The following IMMP2L variants were observed in gnomAD, a reference collection of about 807,000 sequenced individuals.
The protein encoded by IMMP2L is mitochondrial inner membrane protease subunit 2.
A neutral mutation model predicts 19.3 loss-of-function variants in IMMP2L; 18 were observed. That is an observed-to-expected ratio of 0.93 (90% CI 0.64 to 1.38). The LOEUF (loss-of-function observed/expected upper bound fraction) is 1.38. IMMP2L is among the 40% of genes most tolerant of loss of function. The pLI is 0.00. For synonymous variants in IMMP2L, 76 were observed against 73.0 expected, an observed-to-expected ratio of 1.04 and a Z score of -0.21; for missense variants, 233 against 218.2, an observed-to-expected ratio of 1.07 and a Z score of -0.43.
At chr7:111,143,897 C>T (rs921295188) in intron 3 of IMMP2L, among the ~76,000 whole-genome samples, 1 of 152,160 alleles carries the variant, frequency 6.6e-6, no homozygotes, top group African/African-American at 2.4e-5. Context: ...ACTAATCAAT[C>T]ATCTAACCAA....
intron 3 of IMMP2L, among the ~76,000 whole-genome samples, chr7:111,162,925 C>A (rs1405467667): frequency 6.6e-6 from 1 of 152,044 alleles, no homozygotes; most frequent in African/African-American, 2.4e-5. Context: ...TGACCCCATC[C>A]CACCTTAGAG....
At chr7:111,506,141 G>A (rs1844877105) in intron 2 of IMMP2L, among the ~76,000 whole-genome samples, 1 of 151,180 alleles carries the variant, frequency 6.6e-6, no homozygotes, top group South Asian at 2.1e-4. Context: ...GGACTTCGAG[G>A]CTGATTGCAC....
intron 3 of IMMP2L, among the ~76,000 whole-genome samples, chr7:111,425,290 T>TCC (rs1835961972): frequency 6.9e-6 from 1 of 144,966 alleles, no homozygotes; most frequent in Non-Finnish European, 1.6e-5. Flanking sequence ...GAGAGGACTT[T>TCC]CTGGGATGAT....
chr7:111,281,132 G>GAGAAAGAC (rs1266550378), intron 3 of IMMP2L, among the ~76,000 whole-genome samples: 29 of 90,754 alleles, frequency 3.2e-4, no homozygotes, highest in Middle Eastern at 6.0e-3. Flanking sequence ...GAGAGAAAGA[G>GAGAAAGAC]AGAAAGACAG....
At chr7:110,726,068 G>A (rs1007574818) in intron 5 of IMMP2L, among the ~76,000 whole-genome samples, 2 of 152,160 alleles carry the variant, frequency 1.3e-5, no homozygotes, top group African/African-American at 4.8e-5. Flanking sequence ...TTGTGGAGCT[G>A]GAATTTGATC....
intron 3 of IMMP2L, among the ~76,000 whole-genome samples, chr7:111,050,553 C>CT (rs1792908369): frequency 6.6e-6 from 1 of 152,140 alleles, no homozygotes; most frequent in Non-Finnish European, 1.5e-5. Flanking sequence ...AAGGGGACAT[C>CT]TTTTTTGCTG....
chr7:110,696,404 C>T (rs1353542786), intron 5 of IMMP2L, among the ~76,000 whole-genome samples: 2 of 149,910 alleles, frequency 1.3e-5, no homozygotes, highest in African/African-American at 4.9e-5. Context: ...TAAGTATCTG[C>T]ACTGAGACAT....
At chr7:111,023,484 T>C (rs1826495908) in intron 3 of IMMP2L, among the ~76,000 whole-genome samples, 1 of 150,746 alleles carries the variant, frequency 6.6e-6, no homozygotes, top group Admixed American at 6.6e-5. Context: ...GTGGATCACC[T>C]GAGATCAGGA....
At chr7:111,057,128 T>A (rs2129574065) in intron 3 of IMMP2L, among the ~76,000 whole-genome samples, 1 of 152,336 alleles carries the variant, frequency 6.6e-6, no homozygotes, top group East Asian at 1.9e-4. Flanking sequence ...TTGCCACCGA[T>A]AATAACTAAT....
At chr7:111,049,451 A>G (rs1792796651) in intron 3 of IMMP2L, among the ~76,000 whole-genome samples, 1 of 152,082 alleles carries the variant, frequency 6.6e-6, no homozygotes, top group African/African-American at 2.4e-5. Context: ...ATACTTCTAA[A>G]AAGTATTAAG....
intron 2 of IMMP2L, among the ~76,000 whole-genome samples, chr7:111,504,607 C>T (rs1844673942): frequency 6.6e-6 from 1 of 152,136 alleles, no homozygotes; most frequent in Non-Finnish European, 1.5e-5. Flanking sequence ...CAGCATGGTA[C>T]TGGTACCAAA....
chr7:111,136,140 G>A (rs1010870600), intron 3 of IMMP2L, among the ~76,000 whole-genome samples: 1 of 151,396 alleles, frequency 6.6e-6, no homozygotes, highest in Non-Finnish European at 1.5e-5. Context: ...GCAATTCTCT[G>A]CCTCAGCCTC....
intron 3 of IMMP2L, among the ~76,000 whole-genome samples, chr7:111,190,908 A>G (rs1808791146): frequency 1.3e-5 from 2 of 152,160 alleles, no homozygotes; most frequent in African/African-American, 4.8e-5. Flanking sequence ...CACAAATTTA[A>G]CAGTCATCTA....
At chr7:110,821,791 C>G (rs530631240) in intron 5 of IMMP2L, among the ~76,000 whole-genome samples, 1 of 151,950 alleles carries the variant, frequency 6.6e-6, no homozygotes, top group Admixed American at 6.6e-5. Context: ...GGCGTGGTGG[C>G]GCATGCCTGT....
In IMMP2L at chr7:111,521,371, G is replaced by A; in HGVS notation, c.77C>T (p.Ala26Val). Residue 26 changes from alanine to valine, a missense_variant, in exon 2 of 6, where the codon GCA (alanine) becomes GTA (valine). Transcript: ENST00000405709. ...GGCGACCCGATCCAAGAAAGTCACT[G>A]CCACAGGCACCGCCACAAAGAAGCC... The part of the protein sequence containing the change: ...CKGFFVAVPV[A>V]VTFLDRVACV... 4 of 1,613,172 alleles carry A rather than the reference G, an allele frequency of 2.5e-6. No homozygotes were observed. Among genetic ancestry groups the A allele is most frequent in the Non-Finnish European group, 3.4e-6 (4 of 1,179,448 alleles).
chr7:111,434,077 G>A (rs1836892681), intron 3 of IMMP2L, among the ~76,000 whole-genome samples: 1 of 151,654 alleles, frequency 6.6e-6, no homozygotes, highest in Admixed American at 6.6e-5. Flanking sequence ...AAACAGCATG[G>A]TACAGGTATA....
intron 3 of IMMP2L, among the ~76,000 whole-genome samples, chr7:111,386,743 C>T (rs1831796381): frequency 6.6e-6 from 1 of 152,174 alleles, no homozygotes; most frequent in Admixed American, 6.5e-5. Flanking sequence ...CTTCTCTGTC[C>T]ATATCATGTG....
intron 4 of IMMP2L, among the ~76,000 whole-genome samples, chr7:110,945,645 G>A (rs1021265838): frequency 6.6e-6 from 1 of 151,938 alleles, no homozygotes; most frequent in Admixed American, 6.6e-5. Context: ...TTAGGAGCTG[G>A]AAGACATGGA....
intron 1 of IMMP2L, among the ~76,000 whole-genome samples, chr7:111,546,721 A>C (rs953277711): frequency 6.6e-5 from 10 of 151,980 alleles, no homozygotes; most frequent in Non-Finnish European, 1.0e-4. Context: ...CTCCCTAATC[A>C]CTCAAGATCA....
Sources: gnomAD v4.1 joint callset for allele counts (sites outside exome capture counted in the v4.1 genomes callset) on GRCh38, gnomAD v4.1.1 for gene constraint, MANE v1.5 for transcripts, NCBI Gene and HGNC (gene_info 2026-07-23, HGNC 2026-07-21) for gene names.